Variants in MYO9A observed in about 807,000 individuals in gnomAD.
MYO9A encodes myosin IXA.
MYO9A carries 103 observed loss-of-function variants against 293.3 expected under a neutral mutation model. The observed-to-expected ratio is 0.35, with a 90% CI of 0.30 to 0.41. MYO9A has a LOEUF of 0.41. Ranked by LOEUF, MYO9A falls within the 10% of genes least tolerant of loss-of-function variation. The pLI is 1.00. For missense variants in MYO9A, 2,685 were observed against 3,033.0 expected (o/e 0.89, Z 2.69); for synonymous variants, 1,001 against 1,035.7 (o/e 0.97, Z 0.64).
chr15:71,901,927 TGCATTAAAA>T (rs1371263563), intron 22 of MYO9A, among the ~76,000 whole-genome samples: 1 of 152,206 alleles, frequency 6.6e-6, no homozygotes, highest in Non-Finnish European at 1.5e-5. Flanking sequence ...AAATCCAGCG[TGCATTAAAA>T]GCTTCTCACT....
chr15:72,028,218 A>AATAAATATATAT (rs1555408276), intron 3 of MYO9A, among the ~76,000 whole-genome samples: 3 of 134,256 alleles, frequency 2.2e-5, no homozygotes, highest in East Asian at 2.1e-4. Context: ...TAAATAAATA[A>AATAAATATATAT]ATATATATAT....
rs11368306 is a variant in MYO9A, at chr15:71,825,995, G to GTTTTTTTTTTT, written c.*574_*584dup. On this transcript the variant is annotated 3_prime_UTR_variant, in exon 42 of 42. Transcript: ENST00000356056. The stretch of plus-strand genomic sequence containing the variant: ...ATGGAAACAATCACGGTTTTTTTTT[G>GTTTTTTTTTTT]TTTTTTTTTTTTTGTTTTTTTTTTT... 48 of 91,482 alleles carry GTTTTTTTTTTT rather than the reference G, an allele frequency of 5.2e-4. No homozygotes were observed. The highest frequency in any genetic ancestry group is 6.7e-4 in the East Asian group (2 of 2,982). 5.7% of individuals were successfully genotyped at this position (91,482 alleles called of 1,614,324 possible). A position where few individuals can be genotyped will look rare whatever the true frequency, so the allele number is the denominator to read the frequency against.
chr15:71,927,022 T>A (rs914812798), intron 18 of MYO9A, among the ~76,000 whole-genome samples: 5 of 152,104 alleles, frequency 3.3e-5, no homozygotes, highest in Admixed American at 2.0e-4. Flanking sequence ...CCACTCATCA[T>A]GGGGGTGGCA....
chr15:72,041,060 C>T (rs2078212388), intron 2 of MYO9A: 2 of 430,580 alleles, frequency 4.6e-6, no homozygotes, highest in Admixed American at 2.7e-5. Flanking sequence ...GCCTGGGCAA[C>T]ATGGTAAAAC....
intron 19 of MYO9A, among the ~76,000 whole-genome samples, chr15:71,907,052 C>A (rs1338071344): frequency 6.7e-6 from 1 of 149,318 alleles, no homozygotes; most frequent in Non-Finnish European, 1.5e-5. Flanking sequence ...ACTAACTCGT[C>A]ATCTAGCATT....
chr15:71,845,924 T>G (rs2055364694), intron 39 of MYO9A, among the ~76,000 whole-genome samples: 1 of 152,226 alleles, frequency 6.6e-6, no homozygotes, highest in Non-Finnish European at 1.5e-5. Context: ...TGACAAAGTT[T>G]GATTATTCTT....
At chr15:71,906,236 G>T (rs1027417142) in intron 19 of MYO9A, among the ~76,000 whole-genome samples, 1 of 152,052 alleles carries the variant, frequency 6.6e-6, no homozygotes, top group Non-Finnish European at 1.5e-5. Flanking sequence ...CCTAGTTTAC[G>T]ATCTACCTTG....
At chr15:72,018,709 G>A (rs578223132) in intron 6 of MYO9A, among the ~76,000 whole-genome samples, 1 of 151,976 alleles carries the variant, frequency 6.6e-6, no homozygotes, top group Admixed American at 6.5e-5. Context: ...AAAAATAAAA[G>A]GGGAAAAAAA....
At chr15:72,011,838 T>A (rs1191193224) in intron 6 of MYO9A, among the ~76,000 whole-genome samples, 1 of 152,214 alleles carries the variant, frequency 6.6e-6, no homozygotes, top group Non-Finnish European at 1.5e-5. Flanking sequence ...TCTCAAGTAC[T>A]TGGTGAAGTA....
chr15:71,922,699 T>C (rs1269243752), intron 18 of MYO9A, among the ~76,000 whole-genome samples: 3 of 152,330 alleles, frequency 2.0e-5, no homozygotes, highest in Non-Finnish European at 4.4e-5. Context: ...AAGAAACCTT[T>C]TATTTAAAAA....
chr15:72,026,407 A>G (rs2077675325), intron 4 of MYO9A, among the ~76,000 whole-genome samples: 1 of 151,888 alleles, frequency 6.6e-6, no homozygotes, highest in Non-Finnish European at 1.5e-5. Flanking sequence ...AAATACTCCA[A>G]GATGCACAAA....
intron 1 of MYO9A, among the ~76,000 whole-genome samples, chr15:72,111,017 G>A (rs1361851292): frequency 1.3e-5 from 2 of 151,972 alleles, no homozygotes; most frequent in African/African-American, 2.4e-5. Flanking sequence ...AAATTAGCCG[G>A]GAGTGGTGGC....
chr15:72,051,435 C>T (rs991150446), intron 1 of MYO9A, among the ~76,000 whole-genome samples: 15 of 152,290 alleles, frequency 9.8e-5, no homozygotes, highest in Admixed American at 6.5e-5. Flanking sequence ...CATCACTGTG[C>T]TCTTGGGGGA....
rs755640535 is a variant in MYO9A, at chr15:71,897,843, C to T, written c.4660G>A (p.Val1554Ile). The change falls in exon 25 of 42, where the codon GTA (valine) becomes ATA (isoleucine). Residue 1554 changes from valine to isoleucine, a missense_variant. Physicochemically the swap from Val to Ile is conservative, Grantham distance 29. Transcript: ENST00000356056. ...APSSYQSKQR[V>I]ERPSSLLSLN... ...CTGAGGAGAGAGGATGGCCTCTCTACTCTTTGCTTTGACTGATAGGAAGAT... is the reference window on the plus strand; with the variant it reads ...CTGAGGAGAGAGGATGGCCTCTCTATTCTTTGCTTTGACTGATAGGAAGAT... 23 of 1,613,948 alleles carry T rather than the reference C, an allele frequency of 1.4e-5. No homozygotes were observed. The highest frequency in any genetic ancestry group is 1.9e-5 in the Non-Finnish European group (22 of 1,180,012).
At chr15:71,911,925 A>G (rs931030502) in intron 19 of MYO9A, among the ~76,000 whole-genome samples, 1 of 152,200 alleles carries the variant, frequency 6.6e-6, no homozygotes, top group African/African-American at 2.4e-5. Flanking sequence ...ATTATAGTCT[A>G]CCATGTTGTT....
intron 12 of MYO9A, among the ~76,000 whole-genome samples, chr15:71,977,340 G>T (rs181689471): frequency 6.6e-6 from 1 of 152,072 alleles, no homozygotes; most frequent in Non-Finnish European, 1.5e-5. Context: ...GGGTTCAAGC[G>T]GTTCTCATGC....
chr15:72,055,765 C>T (rs2957365), intron 1 of MYO9A, among the ~76,000 whole-genome samples: 100,516 of 151,936 alleles, frequency 0.66, 34,008 homozygotes, highest in Middle Eastern at 0.74. Flanking sequence ...CAATGTGATA[C>T]CACCTTACTC....
chr15:71,930,217 T>G (rs1162852657), intron 18 of MYO9A, among the ~76,000 whole-genome samples: 1 of 152,192 alleles, frequency 6.6e-6, no homozygotes, highest in African/African-American at 2.4e-5. Context: ...TTAAATGCAT[T>G]TGGTCCACTG....
At chr15:71,841,983 G>A (rs765583720) in intron 39 of MYO9A, among the ~76,000 whole-genome samples, 8 of 151,956 alleles carry the variant, frequency 5.3e-5, no homozygotes, top group African/African-American at 9.7e-5. Context: ...TATATATCAA[G>A]TGCTATCTGT....
Sources: gnomAD v4.1 joint callset for allele counts (sites outside exome capture counted in the v4.1 genomes callset) on GRCh38, gnomAD v4.1.1 for gene constraint, MANE v1.5 for transcripts, NCBI Gene and HGNC (gene_info 2026-07-23, HGNC 2026-07-21) for gene names.